The following KLRG1 variants were observed in gnomAD, a reference collection of about 807,000 sequenced individuals.
KLRG1 encodes the protein killer cell lectin like receptor G1, also known as killer cell lectin-like receptor subfamily G member 1.
In KLRG1, 16 loss-of-function variants were observed where a neutral mutation model predicts 21.8. That is an observed-to-expected ratio of 0.73 (90% CI 0.50 to 1.11). The LOEUF is 1.11. Ranked by LOEUF, KLRG1 falls within the 50% of genes most tolerant of loss-of-function variation. The pLI is 0.00. For synonymous variants in KLRG1, 69 were observed against 75.9 expected (o/e 0.91, Z 0.47); for missense variants, 173 against 218.3 (o/e 0.79, Z 1.31).
chr12:8,981,230 G>A (rs1041831847), intron 1 of KLRG1, among the ~76,000 whole-genome samples: 7 of 152,204 alleles, frequency 4.6e-5, no homozygotes, highest in Non-Finnish European at 1.0e-4. Flanking sequence ...TTTTGGCTTT[G>A]TTAATTTTTC....
At chr12:9,197,181 A>T in the KLRG1 span, 1 of 1,125,522 alleles carries the variant, frequency 8.9e-7, no homozygotes. Flanking sequence ...TTCCACTACC[A>T]CTCCTCCACA....
the KLRG1 span, among the ~76,000 whole-genome samples, chr12:9,020,804 A>T: frequency 1.3e-5 from 2 of 152,166 alleles, no homozygotes; most frequent in South Asian, 4.1e-4. Context: ...GCTGGATCAT[A>T]TGGTAGATGT....
the KLRG1 span, among the ~76,000 whole-genome samples, chr12:9,016,273 A>C: frequency 6.6e-6 from 1 of 152,172 alleles, no homozygotes; most frequent in African/African-American, 2.4e-5. Flanking sequence ...TACGTAAGAA[A>C]AAAAAGAGAG....
the KLRG1 span, among the ~76,000 whole-genome samples, chr12:9,138,827 T>C: frequency 2.0e-5 from 3 of 152,064 alleles, no homozygotes; most frequent in African/African-American, 4.8e-5. Flanking sequence ...AGTTATAATG[T>C]ATCTTCTTTC....
At chr12:9,200,368 C>T in the KLRG1 span, 1 of 1,600,384 alleles carries the variant, frequency 6.2e-7, no homozygotes, top group Non-Finnish European at 8.6e-7. Context: ...ACTCACTCTC[C>T]ACAGACTGTT....
the KLRG1 span, among the ~76,000 whole-genome samples, chr12:9,120,449 G>A: frequency 6.6e-6 from 1 of 152,132 alleles, no homozygotes; most frequent in East Asian, 1.9e-4. Flanking sequence ...GGAATATTTG[G>A]GAAATGAGAG....
the KLRG1 span, among the ~76,000 whole-genome samples, chr12:9,023,275 G>A: frequency 6.6e-6 from 1 of 152,108 alleles, no homozygotes; most frequent in Non-Finnish European, 1.5e-5. Context: ...GCTGACCTCT[G>A]GAGAATTCAC....
chr12:9,132,575 G>A, the KLRG1 span, among the ~76,000 whole-genome samples: 2 of 152,190 alleles, frequency 1.3e-5, no homozygotes, highest in African/African-American at 2.4e-5. Flanking sequence ...ACACATTGGA[G>A]AAGGGCAATA....
chr12:9,002,257 C>A (rs984070117), intron 3 of KLRG1, among the ~76,000 whole-genome samples: 3 of 151,824 alleles, frequency 2.0e-5, no homozygotes, highest in Non-Finnish European at 4.4e-5. Flanking sequence ...ATTCTGTAAA[C>A]CATTTTAATT....
the KLRG1 span, chr12:9,068,717 A>G: frequency 1.3e-6 from 2 of 1,529,724 alleles, no homozygotes; most frequent in African/African-American, 1.4e-5. Flanking sequence ...AAATATTTCT[A>G]CGTGAAAATC....
At chr12:9,107,257 G>GT in the KLRG1 span, among the ~76,000 whole-genome samples, 2 of 152,088 alleles carry the variant, frequency 1.3e-5, no homozygotes, top group Non-Finnish European at 2.9e-5. Context: ...GAGGTGTATG[G>GT]TTTTTTCCTT....
the KLRG1 span, chr12:9,196,685 G>A: frequency 6.3e-7 from 1 of 1,596,228 alleles, no homozygotes; most frequent in Non-Finnish European, 8.6e-7. Context: ...TTGCTGTTAA[G>A]CTGAGAAAAA....
At chr12:9,116,876 A>G in the KLRG1 span, among the ~76,000 whole-genome samples, 2 of 152,060 alleles carry the variant, frequency 1.3e-5, no homozygotes, top group Non-Finnish European at 2.9e-5. Context: ...ACAATATAAC[A>G]CCTACTGTAT....
chr12:9,094,484 AC>A, the KLRG1 span, among the ~76,000 whole-genome samples: 3,319 of 151,548 alleles, frequency 0.022, 123 homozygotes, highest in African/African-American at 0.075. Flanking sequence ...CATAGAGCCA[AC>A]TGATTCTCCT....
chr12:9,195,139 C>G, the KLRG1 span, among the ~76,000 whole-genome samples: 1 of 152,020 alleles, frequency 6.6e-6, no homozygotes, highest in Non-Finnish European at 1.5e-5. Flanking sequence ...TGATGAATAT[C>G]TCAATTATGC....
the KLRG1 span, among the ~76,000 whole-genome samples, chr12:9,026,529 G>C: frequency 3.9e-5 from 6 of 152,076 alleles, no homozygotes; most frequent in East Asian, 7.7e-4. Context: ...ATTTTTGTGG[G>C]GGAAGAAGGA....
At chr12:9,195,377 T>TCCCTTC in the KLRG1 span, among the ~76,000 whole-genome samples, 1 of 151,910 alleles carries the variant, frequency 6.6e-6, no homozygotes, top group East Asian at 1.9e-4. Flanking sequence ...TCCCTTCCTT[T>TCCCTTC]CCCTTCCCCT....
At chr12:9,016,846 G>T in the KLRG1 span, among the ~76,000 whole-genome samples, 1 of 151,844 alleles carries the variant, frequency 6.6e-6, no homozygotes, top group African/African-American at 2.4e-5. Context: ...ACTCTAGACT[G>T]CAAGTGATCC....
chr12:9,162,542 G>T, the KLRG1 span: 1 of 1,275,400 alleles, frequency 7.8e-7, no homozygotes, highest in South Asian at 1.3e-5. Flanking sequence ...GTAACTTGAG[G>T]TTTATACCCC....
Sources: gnomAD v4.1 joint callset for allele counts (sites outside exome capture counted in the v4.1 genomes callset) on GRCh38, gnomAD v4.1.1 for gene constraint, MANE v1.5 for transcripts, NCBI Gene and HGNC (gene_info 2026-07-23, HGNC 2026-07-21) for gene names.